The following CACNA1C variants were observed in gnomAD, a reference collection of about 807,000 sequenced individuals.
CACNA1C encodes voltage-dependent L-type calcium channel subunit alpha-1C.
Under a neutral mutation model 229.0 loss-of-function variants are expected in CACNA1C, and 30 were observed. The observed-to-expected ratio is 0.13, with a 90% CI of 0.10 to 0.18. The LOEUF is 0.18. Among genes scored for constraint, CACNA1C ranks in the 10% least tolerant of loss-of-function variants. The pLI is 1.00. For synonymous variants in CACNA1C, 1,114 were observed against 1,132.5 expected (o/e 0.98, Z 0.33); for missense variants, 1,658 against 2,845.0 (o/e 0.58, Z 9.49).
chr12:2,164,660 G>T (rs1322466888), intron 3 of CACNA1C, among the ~76,000 whole-genome samples: 1 of 152,190 alleles, frequency 6.6e-6, no homozygotes, highest in Non-Finnish European at 1.5e-5. Flanking sequence ...ATGAGGGAGT[G>T]TTGAGTAGTG....
intron 3 of CACNA1C, among the ~76,000 whole-genome samples, chr12:2,148,188 C>T (rs2094898516): frequency 2.0e-5 from 3 of 151,304 alleles, no homozygotes; most frequent in South Asian, 4.2e-4. Flanking sequence ...ATCCACACAA[C>T]CACAGAAATC....
chr12:2,152,376 G>A lies in CACNA1C; in HGVS notation c.477+31946G>A, dbSNP rs1281303041. 6.6e-6 allele frequency among the ~76,000 whole-genome samples: 1 copy of A among 152,236 alleles called. No individual in the cohort carries two copies. Among genetic ancestry groups the A allele is most frequent in the African/African-American group, 2.4e-5 (1 of 41,460 alleles). On this transcript the variant is annotated intron_variant, in intron 3 of 46. Coordinates refer to ENST00000399655, the MANE Select transcript of CACNA1C (RefSeq NM_000719.7). The surrounding 1 kb of genome is among the most constrained non-coding windows in gnomAD (Gnocchi z 4.2). The stretch of plus-strand genomic sequence containing the variant: ...AGTAGGATGTCAGCAGAGGTGATGC[G>A]TGTGACTTCCGGTGTGTGCCCTTGA...
At chr12:2,548,704 T>C (rs1471163664) in intron 9 of CACNA1C, among the ~76,000 whole-genome samples, 6 of 152,186 alleles carry the variant, frequency 3.9e-5, no homozygotes, top group Admixed American at 1.3e-4. Flanking sequence ...GATTCTCTTC[T>C]CACCAACCTG....
rs1445008899 is a variant in CACNA1C, at chr12:2,346,668, G to A, written c.478-102308G>A. Among the ~76,000 whole-genome samples, 2 of 152,154 alleles carry A rather than the reference G, an allele frequency of 1.3e-5. No homozygotes were observed. The highest frequency in any genetic ancestry group is 2.9e-5 in the Non-Finnish European group (2 of 68,030). ...TGACTGCATCGTCCACCGTGATGAA[G>A]TACAGGCTTTGCCAGGGCTTAGCAG... is the stretch of plus-strand genomic sequence containing the variant. On this transcript the variant is annotated intron_variant, in intron 3 of 46. Coordinates refer to ENST00000399655, the MANE Select transcript of CACNA1C (RefSeq NM_000719.7). This position sits in a 1 kb window ranked among gnomAD's most constrained non-coding sequence, Gnocchi z 4.4.
chr12:2,455,036 G>A (rs968659170), intron 4 of CACNA1C, among the ~76,000 whole-genome samples: 7 of 152,082 alleles, frequency 4.6e-5, no homozygotes, highest in South Asian at 2.1e-4. Context: ...GCCCCTGCAC[G>A]GGTGGCACCC....
At chr12:2,525,222 C>A (rs2099816542) in intron 9 of CACNA1C, among the ~76,000 whole-genome samples, 1 of 152,086 alleles carries the variant, frequency 6.6e-6, no homozygotes, top group Non-Finnish European at 1.5e-5. Flanking sequence ...GGTCACTGTG[C>A]AGCCGAGTGT....
chr12:2,262,080 G>A (rs1213807115), intron 3 of CACNA1C, among the ~76,000 whole-genome samples: 4 of 152,246 alleles, frequency 2.6e-5, no homozygotes, highest in Non-Finnish European at 5.9e-5. Flanking sequence ...GCAGGCAGAG[G>A]CTCGCCAAGG....
At chr12:2,335,069 C>A (rs1325332148) in intron 3 of CACNA1C, among the ~76,000 whole-genome samples, 1 of 152,172 alleles carries the variant, frequency 6.6e-6, no homozygotes, top group African/African-American at 2.4e-5. Context: ...GAGCCTCAAC[C>A]CTATTCTGAG....
intron 39 of CACNA1C, chr12:2,676,032 GACA>G (rs1182318311): frequency 3.3e-5 from 5 of 152,188 alleles, no homozygotes; most frequent in African/African-American, 1.2e-4. Context: ...ATTGAATCCT[GACA>G]ACATTTCTGT....
rs2239084 is a variant in CACNA1C at position 2,467,938 on chromosome 12, A to G, written c.757+10232A>G. 0.74 allele frequency among the ~76,000 whole-genome samples: 112,515 copies of G among 152,124 alleles called. 42,215 individuals are homozygous for G. Among genetic ancestry groups the G allele is most frequent in the East Asian group, 0.88 (4,552 of 5,148 alleles). ...ACAAAGAGTGAGTGATGGGGGTGCC[A>G]TGGATAAGGAGGAGATTCTACCTGT... is the stretch of plus-strand genomic sequence containing the variant. On this transcript the variant is annotated intron_variant, in intron 5 of 46. Coordinates refer to ENST00000399655, the MANE Select transcript of CACNA1C (RefSeq NM_000719.7). The surrounding 1 kb of genome is among the most constrained non-coding windows in gnomAD (Gnocchi z 4.6).
intron 9 of CACNA1C, among the ~76,000 whole-genome samples, chr12:2,539,201 G>A (rs1032505973): frequency 7.7e-6 from 1 of 130,116 alleles, no homozygotes; most frequent in Non-Finnish European, 1.7e-5. Context: ...TAAACTAGGT[G>A]ACTTGAGGAG....
chr12:2,238,133 T>C (rs1471751296), intron 3 of CACNA1C, among the ~76,000 whole-genome samples: 1 of 152,202 alleles, frequency 6.6e-6, no homozygotes, highest in Non-Finnish European at 1.5e-5. Flanking sequence ...GAGCAAGGCT[T>C]CTACACAGGA....
At chr12:2,229,937 G>A (rs1277821539) in intron 3 of CACNA1C, among the ~76,000 whole-genome samples, 2 of 152,148 alleles carry the variant, frequency 1.3e-5, no homozygotes, top group South Asian at 2.1e-4. Flanking sequence ...GGTCTGACGC[G>A]GGCTATCCCA....
At chr12:2,353,316 CT>C (rs548255498) in intron 3 of CACNA1C, among the ~76,000 whole-genome samples, 25 of 152,328 alleles carry the variant, frequency 1.6e-4, no homozygotes, top group Admixed American at 5.9e-4. Context: ...TGAGCCCCCC[CT>C]GGTGCTGGGA....
chr12:2,174,014 C>T (rs182605816), intron 3 of CACNA1C, among the ~76,000 whole-genome samples: 7 of 152,086 alleles, frequency 4.6e-5, no homozygotes, highest in African/African-American at 1.2e-4. Flanking sequence ...CATCAAAGGG[C>T]GAGTTTTAAT....
At chr12:2,200,589 G>A (rs953764519) in intron 3 of CACNA1C, among the ~76,000 whole-genome samples, 49 of 152,246 alleles carry the variant, frequency 3.2e-4, no homozygotes, top group African/African-American at 1.2e-3. Flanking sequence ...GGTGGTGACA[G>A]GGCAAGGCTC....
chr12:2,453,159 G>A (rs1027751751), intron 4 of CACNA1C, among the ~76,000 whole-genome samples: 2 of 152,132 alleles, frequency 1.3e-5, no homozygotes, highest in African/African-American at 4.8e-5. Flanking sequence ...CTCTGGACTA[G>A]AGGAGCCAGA....
chr12:2,649,305 C>T lies in CACNA1C; in HGVS notation c.3945+798C>T, dbSNP rs1039968542. On this transcript the variant is annotated intron_variant, in intron 31 of 46. Coordinates refer to ENST00000399655, the MANE Select transcript of CACNA1C (RefSeq NM_000719.7). This position sits in a 1 kb window ranked among gnomAD's most constrained non-coding sequence, Gnocchi z 4.4. ...AAGGCTGCCGTTATGCATTTCTAAC[C>T]GGGCCAAGTATGAGTTTTTAGAAGG... Among the ~76,000 whole-genome samples, 9 of 152,164 alleles carry T rather than the reference C, an allele frequency of 5.9e-5. No homozygotes were observed. Among genetic ancestry groups the T allele is most frequent in the Non-Finnish European group, 1.2e-4 (8 of 68,032 alleles).
At chr12:2,123,175 GA>G (rs2154153175) in intron 3 of CACNA1C, among the ~76,000 whole-genome samples, 1 of 152,206 alleles carries the variant, frequency 6.6e-6, no homozygotes, top group Admixed American at 6.5e-5. Flanking sequence ...AGGAGATCGA[GA>G]CCAGCCTGGC....
Sources: gnomAD v4.1 joint callset for allele counts (sites outside exome capture counted in the v4.1 genomes callset) on GRCh38, gnomAD v4.1.1 for gene constraint, Gnocchi (gnomAD v3.1) non-coding constraint, MANE v1.5 for transcripts, NCBI Gene and HGNC (gene_info 2026-07-23, HGNC 2026-07-21) for gene names.